TMIGD3: variants seen among roughly 807,000 people sequenced by gnomAD.
TMIGD3 encodes the protein AD026 protein (AD026).
In TMIGD3, 21 loss-of-function variants were observed where a neutral mutation model predicts 28.1. That is an observed-to-expected ratio of 0.75 (90% CI 0.53 to 1.08). The LOEUF (loss-of-function observed/expected upper bound fraction) is 1.08, where lower values mean the gene tolerates loss of function less well. Ranked by LOEUF, TMIGD3 falls within the 50% of genes least tolerant of loss-of-function variation. TMIGD3 has a pLI of 0.00. For missense variants in TMIGD3, 416 were observed against 435.6 expected (o/e 0.96, Z 0.40); for synonymous variants, 151 against 162.1 (o/e 0.93, Z 0.52).
At chr1:111,561,531 G>T (rs1657736304) in intron 1 of TMIGD3, among the ~76,000 whole-genome samples, 1 of 152,092 alleles carries the variant, frequency 6.6e-6, no homozygotes, top group Non-Finnish European at 1.5e-5. Context: ...AGGAAGGGAG[G>T]AGGAAATACA....
At chr1:111,485,517 A>T in intron 5 of TMIGD3, 1 of 459,632 alleles carries the variant, frequency 2.2e-6, no homozygotes, top group Non-Finnish European at 3.9e-6. Context: ...CCTGACCTAC[A>T]CATGTATCCA....
chr1:111,556,876 A>C (rs1657510710), intron 1 of TMIGD3, among the ~76,000 whole-genome samples: 1 of 151,044 alleles, frequency 6.6e-6, no homozygotes. Flanking sequence ...TACACTTAGA[A>C]ATAGTTAAAA....
At position 111,532,326 on chromosome 1, in the gene TMIGD3, T is replaced by C. The variant is rs557204834; in HGVS notation, c.107+31520A>G. ...CAACCACAGGAAGGAGATATGAAGA[T>C]GGAACCTCTTTATATTTATCACAGT... On this transcript the variant is annotated intron_variant, in intron 1 of 5. Transcript: ENST00000369717. Among the ~76,000 whole-genome samples the C allele has an allele frequency of 3.3e-5, 5 of 152,356 alleles. No individual in the cohort carries two copies. In the East Asian group the frequency reaches 7.7e-4, roughly 23 times the overall value.
At chr1:111,543,184 T>G (rs1469110971) in intron 1 of TMIGD3, among the ~76,000 whole-genome samples, 1 of 152,176 alleles carries the variant, frequency 6.6e-6, no homozygotes, top group Non-Finnish European at 1.5e-5. Context: ...CTATGAAGTA[T>G]AGTTTTTAGA....
intron 1 of TMIGD3, among the ~76,000 whole-genome samples, chr1:111,556,308 A>AT (rs1320826387): frequency 1.3e-5 from 2 of 152,252 alleles, no homozygotes; most frequent in South Asian, 2.1e-4. Flanking sequence ...AATTGAAATT[A>AT]TTGTGCACTG....
chr1:111,519,331 G>A (rs550689571), intron 1 of TMIGD3, among the ~76,000 whole-genome samples: 2 of 152,218 alleles, frequency 1.3e-5, no homozygotes, highest in Non-Finnish European at 2.9e-5. Context: ...AGTTCTTCTG[G>A]AACCACTGAG....
chr1:111,524,247 T>TCTTGATCTC (rs1656184422), intron 1 of TMIGD3, among the ~76,000 whole-genome samples: 1 of 152,050 alleles, frequency 6.6e-6, no homozygotes, highest in African/African-American at 2.4e-5. Flanking sequence ...GCCAGGATGG[T>TCTTGATCTC]CTTGATCTCC....
upstream of TMIGD3, among the ~76,000 whole-genome samples, chr1:111,507,009 A>G (rs5777063): frequency 0.27 from 35,714 of 132,036 alleles, 5,082 homozygotes; most frequent in Admixed American, 0.4. Flanking sequence ...ACACACACAT[A>G]TGTGTGTGTG....
At chr1:111,512,326 T>C (rs1318788458) in intron 1 of TMIGD3, among the ~76,000 whole-genome samples, 3 of 152,256 alleles carry the variant, frequency 2.0e-5, no homozygotes, top group Non-Finnish European at 2.9e-5. Flanking sequence ...GCACGCACTC[T>C]AGTGCCTCCT....
At chr1:111,500,438 ACT>A in intron 1 of TMIGD3, 1 of 1,614,148 alleles carries the variant, frequency 6.2e-7, no homozygotes, top group South Asian at 1.1e-5. Flanking sequence ...TTTCTGTGGT[ACT>A]CTGAGGTCAG....
At chr1:111,489,461 A>G (rs1654550548) in intron 2 of TMIGD3, 1 of 724,952 alleles carries the variant, frequency 1.4e-6, no homozygotes, top group South Asian at 4.7e-5. Flanking sequence ...TCGATCTTGA[A>G]CTTACCACCT....
intron 1 of TMIGD3, among the ~76,000 whole-genome samples, chr1:111,551,245 T>A (rs1053212756): frequency 6.6e-6 from 1 of 152,224 alleles, no homozygotes; most frequent in African/African-American, 2.4e-5. Flanking sequence ...ATGTAATTAC[T>A]GAAAAGAAAG....
upstream of TMIGD3, among the ~76,000 whole-genome samples, chr1:111,508,398 A>C (rs1538251): frequency 1 from 152,222 of 152,366 alleles, 76,039 homozygotes; most frequent in Middle Eastern, 1. Context: ...CACCAGAGGG[A>C]AGCACGTTTC....
chr1:111,562,664 T>C (rs1042364429), intron 1 of TMIGD3, among the ~76,000 whole-genome samples: 2 of 152,232 alleles, frequency 1.3e-5, no homozygotes, highest in Admixed American at 1.3e-4. Context: ...CACTGCCATG[T>C]TTCAAATGAA....
At chr1:111,554,249 G>A (rs946483734) in intron 1 of TMIGD3, among the ~76,000 whole-genome samples, 13 of 152,150 alleles carry the variant, frequency 8.5e-5, no homozygotes, top group African/African-American at 2.4e-4. Context: ...GAAACATCCC[G>A]GAGTTTAGAA....
rs114397413 is a variant in TMIGD3 at position 111,534,621 on chromosome 1, G to C, written c.107+29225C>G. 6.5e-3 allele frequency among the ~76,000 whole-genome samples: 984 copies of C among 152,258 alleles called. 5 individuals carry two copies. The highest frequency in any genetic ancestry group is 0.022 in the African/African-American group (908 of 41,540). ...TCATCTTTTTCCTGCCCCTTCCCATGACCTGAAGTGGGAAGAACTGATCCC... is the reference window on the plus strand; with the variant it reads ...TCATCTTTTTCCTGCCCCTTCCCATCACCTGAAGTGGGAAGAACTGATCCC... On this transcript the variant is annotated intron_variant, in intron 1 of 5. Coordinates refer to the TMIGD3 transcript ENST00000369717.
intron 1 of TMIGD3, among the ~76,000 whole-genome samples, chr1:111,516,889 T>C (rs1655884404): frequency 6.6e-6 from 1 of 152,204 alleles, no homozygotes; most frequent in African/African-American, 2.4e-5. Context: ...CAGCTAGTAT[T>C]GGGATAAATC....
intron 1 of TMIGD3, among the ~76,000 whole-genome samples, chr1:111,560,742 G>A (rs961573769): frequency 2.6e-5 from 4 of 152,068 alleles, no homozygotes; most frequent in Non-Finnish European, 4.4e-5. Flanking sequence ...TGCTCCAGCC[G>A]CAGCCTCCAA....
Position 111,528,997 on chromosome 1 carries a change from T to C in TMIGD3, c.107+34849A>G, listed in dbSNP as rs12047236. ...TTCTTTCTTCCCATCTGTGTACCTT[T>C]TTTTCTTGTCTTATTGCATTAGCTA... On this transcript the variant is annotated intron_variant, in intron 1 of 5. Coordinates refer to the TMIGD3 transcript ENST00000369717. Among the ~76,000 whole-genome samples the C allele has an allele frequency of 0.018, 2,773 of 152,184 alleles. 116 individuals are homozygous for C. In the East Asian group the frequency reaches 0.18, roughly 10 times the overall value.
Sources: gnomAD v4.1 joint callset for allele counts (sites outside exome capture counted in the v4.1 genomes callset) on GRCh38, gnomAD v4.1.1 for gene constraint, MANE v1.5 for transcripts, NCBI Gene and HGNC (gene_info 2026-07-23, HGNC 2026-07-21) for gene names.